Variants in XPNPEP2 observed in about 807,000 individuals in gnomAD.
XPNPEP2 encodes xaa-Pro aminopeptidase 2.
XPNPEP2 carries 64 observed loss-of-function variants against 59.8 expected under a neutral mutation model. That is an observed-to-expected ratio of 1.07 (90% CI 0.87 to 1.32). The LOEUF (loss-of-function observed/expected upper bound fraction) is 1.32, where lower values mean the gene tolerates loss of function less well. Among genes scored for constraint, XPNPEP2 ranks in the 40% most tolerant of loss-of-function variants. The probability of loss-of-function intolerance (pLI) is 0.00; values close to 1 mark genes in which losing one functional copy is unlikely to be tolerated. For synonymous variants in XPNPEP2, 235 were observed against 210.0 expected (o/e 1.12, Z -1.03); for missense variants, 575 against 546.8 (o/e 1.05, Z -0.51).
chrX:129,752,637 G>T (rs1489357232), intron 10 of XPNPEP2, among the ~76,000 whole-genome samples: 1 of 112,472 alleles, frequency 8.9e-6, no homozygotes, highest in African/African-American at 3.2e-5. Context: ...TCCCTAACTA[G>T]CTGTGCAGTG....
chrX:129,768,699 G>A lies in XPNPEP2; in HGVS notation c.*214G>A. 1 of 328,418 alleles carries A rather than the reference G, an allele frequency of 3.0e-6. No individual in the cohort carries two copies. The highest frequency in any genetic ancestry group is 5.2e-6 in the Non-Finnish European group (1 of 191,507). 27.1% of individuals were successfully genotyped at this position (328,418 alleles called of 1,213,427 possible). ...CCAGATGGCACCTCCCTGCACCCCG[G>A]GGTTGTATACCACACCCTGGGCCCC... On this transcript the variant is annotated 3_prime_UTR_variant, in exon 21 of 21. Transcript: ENST00000371106.
chrX:129,754,332 A>G (rs1926474956), intron 11 of XPNPEP2, 140 bp from the exon 12 acceptor site: 6 of 501,557 alleles, frequency 1.2e-5, no homozygotes, highest in Non-Finnish European at 1.9e-5. Flanking sequence ...AAACACTAAC[A>G]AGAATTCTTT....
intron 18 of XPNPEP2, 36 bp from the exon 19 acceptor site, chrX:129,762,658 C>A: frequency 8.4e-7 from 1 of 1,188,382 alleles, no homozygotes. Flanking sequence ...GGGCCCTCTC[C>A]CAGCTTAATG....
In XPNPEP2 at chrX:129,768,922, A is replaced by G. The variant is rs12012702; in HGVS notation, c.*437A>G. The G allele has an allele frequency of 4.3e-3, 497 of 115,811 alleles. 3 individuals carry two copies. The highest frequency in any genetic ancestry group is 0.015 in the African/African-American group (461 of 30,940). The allele number at this position is 115,811 out of a possible 1,213,427, so 9.5% of individuals were successfully genotyped here. ...AAACCTATCACCACCTGTTGGGCAT[A>G]GCCAGAGCTGTTCCCACCCAGCCAG... is the stretch of plus-strand genomic sequence containing the variant. On this transcript the variant is annotated 3_prime_UTR_variant, in exon 21 of 21. Transcript: ENST00000371106.
intron 2 of XPNPEP2, among the ~76,000 whole-genome samples, chrX:129,743,206 A>G (rs1926231321): frequency 8.9e-6 from 1 of 112,780 alleles, no homozygotes; most frequent in Admixed American, 9.3e-5. Context: ...AAACATGGAT[A>G]TATCGTGGAG....
chrX:129,766,360 C>T (rs926156920), intron 19 of XPNPEP2, among the ~76,000 whole-genome samples: 1 of 112,018 alleles, frequency 8.9e-6, no homozygotes, highest in Non-Finnish European at 1.9e-5. Context: ...CCACCATGCC[C>T]AACTAATTTT....
intron 19 of XPNPEP2, among the ~76,000 whole-genome samples, chrX:129,766,169 A>G (rs769690571): frequency 2.1e-4 from 24 of 112,314 alleles, no homozygotes; most frequent in Non-Finnish European, 3.2e-4. Context: ...CATTGTTTCC[A>G]TAAACATTGT....
chrX:129,740,956 A>AG (rs1230816512), intron 1 of XPNPEP2, among the ~76,000 whole-genome samples: 2 of 98,894 alleles, frequency 2.0e-5, no homozygotes, highest in African/African-American at 7.4e-5. Flanking sequence ...AAAAAAAAGG[A>AG]GGGGGGGCGG....
At chrX:129,747,474 C>A (rs1926319559) in intron 6 of XPNPEP2, 133 bp from the exon 7 acceptor site, 3 of 914,109 alleles carry the variant, frequency 3.3e-6, no homozygotes, top group Non-Finnish European at 3.1e-6. Context: ...GGTGGGCAGG[C>A]TGCTGGGGCA....
intron 19 of XPNPEP2, among the ~76,000 whole-genome samples, chrX:129,767,377 T>C (rs1234814487): frequency 9.0e-6 from 1 of 111,728 alleles, no homozygotes; most frequent in African/African-American, 3.3e-5. Flanking sequence ...TAAGTCTAAA[T>C]TTCCAGAATC....
At chrX:129,760,444 C>A in intron 15 of XPNPEP2, 68 bp from the exon 16 acceptor site, 1 of 1,117,377 alleles carries the variant, frequency 8.9e-7, no homozygotes, top group Non-Finnish European at 1.2e-6. Context: ...TATCCATAGG[C>A]CAAGCAGCTG....
At chrX:129,750,693 C>G in intron 8 of XPNPEP2, 124 bp downstream of exon 8, 1 of 559,679 alleles carries the variant, frequency 1.8e-6, no homozygotes, top group Non-Finnish European at 2.7e-6. Context: ...TTCTTGAGAA[C>G]TCCATGGCCA....
At position 129,754,476 on chromosome X, in the gene XPNPEP2, G is replaced by C; in HGVS notation, c.1112G>C (p.Arg371Pro). The C allele has an allele frequency of 8.5e-7, 1 of 1,180,162 alleles. No homozygotes were observed. The highest frequency in any genetic ancestry group is 1.1e-6 in the Non-Finnish European group (1 of 880,743). The change falls in exon 12 of 21, where the codon CGG becomes CCG. Residue 371 changes from arginine (R) to proline (P), a missense_variant. Arg to Pro is a moderately radical substitution (Grantham distance 103, BLOSUM62 -2). Coordinates refer to ENST00000371106, the MANE Select transcript of XPNPEP2 (RefSeq NM_003399.6). ...EQALLKASHV[R>P]DAVAVIRYLV... is the part of the protein sequence containing the mutation. ...TCCCTGCTTCCCCAACTCCAGGTGC[G>C]GGACGCTGTGGCTGTGATCCGGTAC...
chrX:129,742,294 A>G (rs1009161370), intron 2 of XPNPEP2, 113 bp downstream of exon 2: 28 of 353,248 alleles, frequency 7.9e-5, no homozygotes, highest in Middle Eastern at 8.3e-4. Context: ...CATCTTCTCT[A>G]TCCCTCATTG....
chrX:129,755,428 A>G (rs1468965966), intron 13 of XPNPEP2, 57 bp downstream of exon 13: 2 of 1,101,528 alleles, frequency 1.8e-6, no homozygotes, highest in East Asian at 3.0e-5. Flanking sequence ...TTGTGTGTGT[A>G]GAGGAACAGG....
chrX:129,744,161 C>A, intron 3 of XPNPEP2, 90 bp downstream of exon 3: 1 of 846,341 alleles, frequency 1.2e-6, no homozygotes, highest in Non-Finnish European at 1.7e-6. Flanking sequence ...AAGATGAAGA[C>A]AGAGAAAGGA....
At position 129,744,055 on chromosome X, in the gene XPNPEP2, G is replaced by A. The variant is rs775783084; in HGVS notation, c.218G>A (p.Gly73Asp). ...TQNLSAYIIP[G>D]TDAHMNEYIG... ...AATCTCTCAGCCTACATCATCCCAG[G>A]CACAGATGCTCACATGGTAAGAGAC... The change falls in exon 3 of 21, where the codon GGC becomes GAC. Residue 73 changes from glycine to aspartate, a missense_variant. Coordinates refer to ENST00000371106, the MANE Select transcript of XPNPEP2 (RefSeq NM_003399.6). The A allele has an allele frequency of 2.5e-6, 3 of 1,210,401 alleles. No homozygotes were observed. The South Asian group carries it at 5.3e-5, about 21-fold the overall frequency.
intron 7 of XPNPEP2, among the ~76,000 whole-genome samples, chrX:129,748,726 A>G (rs1926343163): frequency 8.9e-6 from 1 of 112,295 alleles, no homozygotes; most frequent in Non-Finnish European, 1.9e-5. Context: ...AGACTGTTAA[A>G]TCATAAATAA....
intron 19 of XPNPEP2, 99 bp downstream of exon 19, chrX:129,762,869 A>G (rs1343727375): frequency 2.7e-6 from 2 of 738,314 alleles, no homozygotes; most frequent in Non-Finnish European, 4.2e-6. Context: ...GGAGAAGGGC[A>G]TTTAGTGTGC....
Sources: allele counts gnomAD v4.1 joint callset (sites outside exome capture counted in the v4.1 genomes callset), GRCh38; gene constraint gnomAD v4.1.1; transcripts MANE v1.5; gene names NCBI Gene and HGNC (gene_info 2026-07-23, HGNC 2026-07-21).